The following EIF2D variants were observed in gnomAD, a reference collection of about 807,000 sequenced individuals.
The protein encoded by EIF2D is hepatocellular carcinoma-associated antigen 56.
Under a neutral mutation model 77.4 loss-of-function variants are expected in EIF2D, and 56 were observed. The observed-to-expected ratio is 0.72, with a 90% CI of 0.58 to 0.90. The LOEUF is 0.90. Among genes scored for constraint, EIF2D ranks in the 40% least tolerant of loss-of-function variants. EIF2D has a pLI of 0.00. For missense variants in EIF2D, 574 were observed against 706.5 expected, an observed-to-expected ratio of 0.81 and a Z score of 2.13; for synonymous variants, 230 against 271.0, an observed-to-expected ratio of 0.85 and a Z score of 1.49.
At chr1:206,586,821 C>T, downstream of EIF2D, 1 of 1,611,964 alleles carries the variant, frequency 6.2e-7, no homozygotes, top group East Asian at 2.2e-5. Flanking sequence ...CCTCTCGCCT[C>T]ACAGTGGGAT....
chr1:206,607,266 G>A (rs1043410940), intron 4 of EIF2D, among the ~76,000 whole-genome samples: 7 of 152,148 alleles, frequency 4.6e-5, no homozygotes, highest in African/African-American at 7.2e-5. Flanking sequence ...CACATACACA[G>A]TATAATTTTG....
chr1:206,581,322 G>A (rs998449459), intron 2 of EIF2D, among the ~76,000 whole-genome samples: 1 of 152,200 alleles, frequency 6.6e-6, no homozygotes, highest in Non-Finnish European at 1.5e-5. Flanking sequence ...CAGAAGCTGG[G>A]TGCGGTGGCT....
rs1670295849 is a variant in EIF2D at position 206,608,237 on chromosome 1, T to C, written c.421A>G (p.Arg141Gly). 6.2e-7 allele frequency: 1 copy of C among 1,613,340 alleles called. No homozygotes were observed. The highest frequency in any genetic ancestry group is 8.5e-7 in the Non-Finnish European group (1 of 1,179,602). Residue 141 changes from arginine (R) to glycine (G), a missense_variant and splice_region_variant, in exon 4 of 15, where the codon AGA becomes GGA. By Grantham distance (125) the Arg-to-Gly change is moderately radical. Coordinates refer to ENST00000271764, the MANE Select transcript of EIF2D (RefSeq NM_006893.3). The part of the protein sequence containing the change: ...DLCAISLVGN[R>G]APVAIGVAAM... ...AGGCACAGTTGCCTGGCACAGTACCTGTTCCCCACCAAAGAAATGGCACAG... is the reference window on the plus strand; with the variant it reads ...AGGCACAGTTGCCTGGCACAGTACCCGTTCCCCACCAAAGAAATGGCACAG...
rs1198242711 is a variant in EIF2D at position 206,595,731 on chromosome 1, G to A, written c.1496C>T (p.Ala499Val). 9.9e-6 allele frequency: 16 copies of A among 1,613,020 alleles called. No individual in the cohort carries two copies. Among genetic ancestry groups the A allele is most frequent in the East Asian group, 2.2e-5 (1 of 44,876 alleles). ...TTCTAAAATTACCTTTTTATTAGAC[G>A]CTCTTTGTGCTAGGGTGATGTCAAT... The part of the protein sequence containing the change: ...CPIDITLAQR[A>V]SNKKVTVVRN... Residue 499 changes from alanine to valine, a missense_variant, in exon 13 of 15, where the codon GCG becomes GTG. By Grantham distance (64) the Ala-to-Val change is moderately conservative. Transcript: ENST00000271764.
chr1:206,608,130 T>A, intron 4 of EIF2D, 106 bp downstream of exon 4: 1 of 1,101,898 alleles, frequency 9.1e-7, no homozygotes, highest in Admixed American at 2.8e-5. Flanking sequence ...CAAAACCGAT[T>A]TTTGCTTTCA....
chr1:206,569,864 T>C (rs1553403924), downstream of EIF2D, among the ~76,000 whole-genome samples: 1 of 152,066 alleles, frequency 6.6e-6, no homozygotes, highest in Admixed American at 6.5e-5. Context: ...GAGAGTGGCC[T>C]AGTCCTAGGA....
At chr1:206,585,043 T>C (rs1669054781) in intron 2 of EIF2D, 1 of 689,672 alleles carries the variant, frequency 1.4e-6, no homozygotes, top group Non-Finnish European at 2.6e-6. Flanking sequence ...ATTACTGTCA[T>C]GTTCATTTCA....
rs1371029136 is a variant in EIF2D, at chr1:206,593,484, A to C, written c.1684+135T>G. The stretch of plus-strand genomic sequence containing the variant: ...ACTAAATGGAGAGAGAGAGAGAGAG[A>C]GAGCGAGAGAGAGAGAGAGAGAGAG... On this transcript the variant is annotated intron_variant, in intron 14 of 14. Transcript: ENST00000271764. 49 of 488,026 alleles carry C rather than the reference A, an allele frequency of 1.0e-4. 1 individual carries two copies. The highest frequency in any genetic ancestry group is 2.1e-4 in the African/African-American group (8 of 38,850). 30.2% of individuals were successfully genotyped at this position (488,026 alleles called of 1,614,324 possible). A position where few individuals can be genotyped will look rare whatever the true frequency, so the allele number is the denominator to read the frequency against.
chr1:206,586,840 C>T (rs879978003), downstream of EIF2D: 15 of 1,613,670 alleles, frequency 9.3e-6, 1 homozygote, highest in South Asian at 1.5e-4. Flanking sequence ...ATGCCTTCTC[C>T]ATCCCTGAAC....
At position 206,602,967 on chromosome 1, in the gene EIF2D, A is replaced by G. The variant is rs950474883; in HGVS notation, c.768T>C (p.Asp256=). ...GAGTTATACCTTGAAGCGTTTTGCT[A>G]TCTGTGGAGTCTTGGTTCAGGCCCC... is the stretch of plus-strand genomic sequence containing the variant. ...STRGLNQDST[D]SKTLQEQMDE... Residue 256 remains aspartate (D), a synonymous_variant, in exon 6 of 15, where the codon GAT becomes GAC. Coordinates refer to ENST00000271764, the MANE Select transcript of EIF2D (RefSeq NM_006893.3). 11 of 1,614,044 alleles carry G rather than the reference A, an allele frequency of 6.8e-6. No individual in the cohort carries two copies. Among genetic ancestry groups the G allele is most frequent in the South Asian group, 3.3e-5 (3 of 91,066 alleles).
At chr1:206,603,298 G>A in intron 5 of EIF2D, 94 bp from the exon 6 acceptor site, 5 of 1,521,732 alleles carry the variant, frequency 3.3e-6, no homozygotes, top group Non-Finnish European at 4.4e-6. Context: ...AGAGACAGCA[G>A]AGAGCCAACA....
downstream of EIF2D, chr1:206,591,611 G>C: frequency 4.4e-6 from 3 of 677,152 alleles, no homozygotes; most frequent in Non-Finnish European, 7.5e-6. Flanking sequence ...GTACATTTTA[G>C]CTAAGTGGAG....
chr1:206,591,353 A>C (rs1373698605), downstream of EIF2D, among the ~76,000 whole-genome samples: 1 of 152,180 alleles, frequency 6.6e-6, no homozygotes, highest in Non-Finnish European at 1.5e-5. Flanking sequence ...AACAGCTGGG[A>C]TCTGTTTTCT....
chr1:206,612,206 G>C, intron 1 of EIF2D, 81 bp downstream of exon 1: 1 of 1,592,984 alleles, frequency 6.3e-7, no homozygotes, highest in Non-Finnish European at 8.6e-7. Context: ...TGTCGGCCAA[G>C]AATAGCGAGG....
intron 4 of EIF2D, among the ~76,000 whole-genome samples, chr1:206,577,950 C>T (rs891740030): frequency 3.3e-5 from 5 of 152,026 alleles, no homozygotes; most frequent in Admixed American, 6.5e-5. Context: ...CAGCCAGGCG[C>T]GGTGGGTCAC....
At chr1:206,578,658 C>T (rs782705933) in intron 4 of EIF2D, among the ~76,000 whole-genome samples, 3 of 152,102 alleles carry the variant, frequency 2.0e-5, no homozygotes, top group East Asian at 1.9e-4. Context: ...AAAGTAGGCA[C>T]GGATGTATAT....
chr1:206,604,732 CAAAAAAAAA>C (rs11393350), intron 5 of EIF2D: 3 of 102,238 alleles, frequency 2.9e-5, no homozygotes, highest in African/African-American at 4.0e-5. Context: ...GACTCCATCT[CAAAAAAAAA>C]AAAAAAAAAA....
chr1:206,584,799 G>T lies in EIF2D; in HGVS notation c.139-3637C>A. The T allele has an allele frequency of 9.1e-7, 1 of 1,095,252 alleles. No homozygotes were observed. Among genetic ancestry groups the T allele is most frequent in the Non-Finnish European group, 1.3e-6 (1 of 753,682 alleles). 67.8% of individuals were successfully genotyped at this position (1,095,252 alleles called of 1,614,324 possible). On this transcript the variant is annotated intron_variant and NMD_transcript_variant, in intron 2 of 5. Transcript: ENST00000472709. The surrounding 1 kb of genome is among the most constrained non-coding windows in gnomAD (Gnocchi z 4.9). The stretch of plus-strand genomic sequence containing the variant: ...GCTGTGGGCTTCTCCTGAGCACCAG[G>T]GGTCCAGCTGCCCATGTGGTGTTCA...
rs1670143701 is a variant in EIF2D at position 206,605,200 on chromosome 1, G to C, written c.530+200C>G. 4.5e-5 allele frequency: 21 copies of C among 462,010 alleles called. No individual in the cohort carries two copies. The South Asian group carries it at 7.5e-4, about 16-fold the overall frequency. The allele number at this position is 462,010 out of a possible 1,614,324, so 28.6% of individuals were successfully genotyped here. ...GGTCTAAGATTCTATAATTCACTTAGAAAATAAAGTTCTCTCTCATTACTT... is the reference window on the plus strand; with the variant it reads ...GGTCTAAGATTCTATAATTCACTTACAAAATAAAGTTCTCTCTCATTACTT... On this transcript the variant is annotated intron_variant, in intron 5 of 14. Transcript: ENST00000271764.
Sources: allele counts gnomAD v4.1 joint callset (sites outside exome capture counted in the v4.1 genomes callset), GRCh38; gene constraint gnomAD v4.1.1; non-coding constraint Gnocchi (gnomAD v3.1); transcripts MANE v1.5; gene names NCBI Gene and HGNC (gene_info 2026-07-23, HGNC 2026-07-21).